SLC23A2: variants seen among roughly 807,000 people sequenced by gnomAD.
SLC23A2 encodes the protein solute carrier family 23 member 2.
Under a neutral mutation model 73.3 loss-of-function variants are expected in SLC23A2, and 36 were observed. The observed-to-expected ratio is 0.49, with a 90% CI of 0.38 to 0.65. The LOEUF is 0.65. Among genes scored for constraint, SLC23A2 ranks in the 30% least tolerant of loss-of-function variants. The pLI is 0.00. For missense variants in SLC23A2, 507 were observed against 841.6 expected (o/e 0.60, Z 4.92); for synonymous variants, 343 against 327.3 (o/e 1.05, Z -0.52).
intron 2 of SLC23A2, among the ~76,000 whole-genome samples, chr20:4,956,429 T>TA (rs1436331952): frequency 2.0e-5 from 3 of 152,248 alleles, no homozygotes; most frequent in African/African-American, 7.2e-5. Context: ...TGGCACTTGG[T>TA]AGAAGAAACC....
intron 1 of SLC23A2, among the ~76,000 whole-genome samples, chr20:4,987,227 A>C (rs1025207006): frequency 1.3e-5 from 2 of 152,220 alleles, no homozygotes; most frequent in Admixed American, 6.5e-5. Flanking sequence ...TTTATCTTTG[A>C]GTGGATGAAA....
At chr20:4,935,251 A>T (rs1294777177) in intron 2 of SLC23A2, among the ~76,000 whole-genome samples, 1 of 152,070 alleles carries the variant, frequency 6.6e-6, no homozygotes, top group South Asian at 2.1e-4. Flanking sequence ...AGGAAAGATA[A>T]TATTAACATC....
intron 1 of SLC23A2, among the ~76,000 whole-genome samples, chr20:4,987,535 C>T (rs985279525): frequency 3.9e-5 from 6 of 152,084 alleles, no homozygotes; most frequent in Admixed American, 3.3e-4. Flanking sequence ...TGTCAAGATG[C>T]TGGGCTTTGT....
chr20:4,926,565 C>T (rs1932682082), intron 3 of SLC23A2, among the ~76,000 whole-genome samples: 1 of 150,086 alleles, frequency 6.7e-6, no homozygotes, highest in East Asian at 2.0e-4. Context: ...GGCATTCACC[C>T]CTATTTACGC....
intron 3 of SLC23A2, among the ~76,000 whole-genome samples, chr20:4,928,785 A>G (rs1932752252): frequency 1.3e-5 from 2 of 152,220 alleles, no homozygotes; most frequent in African/African-American, 4.8e-5. Flanking sequence ...ACTATGGCTT[A>G]CGTCCACATT....
At position 4,853,277 on chromosome 20, in the gene SLC23A2, C is replaced by G. The variant is rs1320495855; in HGVS notation, c.*3695G>C. ...TGTACACCCCATGCACGGCCATCCC[C>G]CAGGATGCTGCTGCTTCTCTGGCCA... On this transcript the variant is annotated 3_prime_UTR_variant, in exon 17 of 17. Transcript: ENST00000338244. The G allele has an allele frequency of 1.3e-5, 2 of 152,620 alleles. No individual in the cohort carries two copies. The highest frequency in any genetic ancestry group is 2.9e-5 in the Non-Finnish European group (2 of 68,160). The allele number at this position is 152,620 out of a possible 1,614,324, so 9.5% of individuals were successfully genotyped here.
chr20:4,952,478 A>G (rs981327737), intron 2 of SLC23A2, among the ~76,000 whole-genome samples: 3 of 152,316 alleles, frequency 2.0e-5, no homozygotes, highest in Admixed American at 6.5e-5. Context: ...TTCATGTGTG[A>G]AAGCCAAACA....
intron 4 of SLC23A2, among the ~76,000 whole-genome samples, chr20:4,909,041 C>T (rs1449919429): frequency 6.6e-6 from 1 of 152,074 alleles, no homozygotes; most frequent in African/African-American, 2.4e-5. Flanking sequence ...GAGATTTGAA[C>T]AGCTCAAAAA....
intron 1 of SLC23A2, among the ~76,000 whole-genome samples, chr20:4,985,190 C>T (rs548228144): frequency 1.3e-5 from 2 of 151,636 alleles, no homozygotes; most frequent in South Asian, 4.2e-4. Context: ...TCCAGTAATT[C>T]CACTTCTATG....
At chr20:4,954,030 G>C (rs1259367200) in intron 2 of SLC23A2, among the ~76,000 whole-genome samples, 3 of 152,090 alleles carry the variant, frequency 2.0e-5, no homozygotes, top group Non-Finnish European at 4.4e-5. Context: ...GCAGGAGAAA[G>C]GATGTCATTT....
intron 9 of SLC23A2, among the ~76,000 whole-genome samples, chr20:4,879,408 C>CAAAAAAAAAAAAAAAAAAAAAAAA (rs111565515): frequency 2.3e-5 from 1 of 43,008 alleles, no homozygotes; most frequent in Non-Finnish European, 4.4e-5. Context: ...AACTCTGTCT[C>CAAAAAAAAAAAAAAAAAAAAAAAA]AAAAAAAAAA....
chr20:4,953,577 A>T (rs891617122), intron 2 of SLC23A2, among the ~76,000 whole-genome samples: 1 of 152,152 alleles, frequency 6.6e-6, no homozygotes, highest in Admixed American at 6.6e-5. Context: ...TTAATTAAAA[A>T]TACTCAGATT....
At chr20:4,887,441 T>C (rs745425965) in intron 6 of SLC23A2, among the ~76,000 whole-genome samples, 1 of 152,178 alleles carries the variant, frequency 6.6e-6, no homozygotes, top group Non-Finnish European at 1.5e-5. Context: ...AAATGGTGAA[T>C]TGCGTTTAGA....
Position 4,883,948 on chromosome 20 carries a change from G to A in SLC23A2, c.643-125C>T. On this transcript the variant is annotated intron_variant, in intron 8 of 16. Coordinates refer to ENST00000338244, the MANE Select transcript of SLC23A2 (RefSeq NM_005116.6). The surrounding 1 kb of genome is among the most constrained non-coding windows in gnomAD (Gnocchi z 4.5). Reference sequence around the variant, plus strand: ...AGTTATTACATCATCTAACTTGGGAGAGATAGCTAGAAAATTCCCCAGGAC... The same window carrying A: ...AGTTATTACATCATCTAACTTGGGAAAGATAGCTAGAAAATTCCCCAGGAC... The A allele has an allele frequency of 1.5e-6, 1 of 670,414 alleles. No homozygotes were observed. Among genetic ancestry groups the A allele is most frequent in the Non-Finnish European group, 2.3e-6 (1 of 426,222 alleles). 41.5% of individuals were successfully genotyped at this position (670,414 alleles called of 1,614,324 possible).
chr20:4,882,624 C>T (rs1031764919), intron 9 of SLC23A2, among the ~76,000 whole-genome samples: 4 of 152,130 alleles, frequency 2.6e-5, no homozygotes, highest in Non-Finnish European at 5.9e-5. Flanking sequence ...TTGAAACCCA[C>T]GGTGGCCACT....
intron 11 of SLC23A2, 50 bp from the exon 12 acceptor site, chr20:4,870,103 G>A: frequency 1.3e-6 from 2 of 1,481,662 alleles, no homozygotes; most frequent in Non-Finnish European, 1.8e-6. Context: ...AGGCGAAAGT[G>A]ACCAGGACCA....
intron 2 of SLC23A2, among the ~76,000 whole-genome samples, chr20:4,940,884 G>A (rs79449802): frequency 0.041 from 6,178 of 152,240 alleles, 188 homozygotes; most frequent in Middle Eastern, 0.088. Flanking sequence ...TGCCAGGTAC[G>A]GTGGCTCACG....
chr20:4,916,089 T>C (rs1932312617), intron 3 of SLC23A2, among the ~76,000 whole-genome samples: 1 of 152,268 alleles, frequency 6.6e-6, no homozygotes, highest in Non-Finnish European at 1.5e-5. Flanking sequence ...AAACATGTTA[T>C]AGTTTTTTAC....
At chr20:4,965,629 T>C (rs571199485) in intron 2 of SLC23A2, among the ~76,000 whole-genome samples, 4 of 151,836 alleles carry the variant, frequency 2.6e-5, no homozygotes, top group African/African-American at 9.7e-5. Context: ...CCAGGTATGG[T>C]GGTGCATGCT....
Sources: allele counts gnomAD v4.1 joint callset (sites outside exome capture counted in the v4.1 genomes callset), GRCh38; gene constraint gnomAD v4.1.1; non-coding constraint Gnocchi (gnomAD v3.1); transcripts MANE v1.5; gene names NCBI Gene and HGNC (gene_info 2026-07-23, HGNC 2026-07-21).